The following NFAT5 variants were observed in gnomAD, a reference collection of about 807,000 sequenced individuals.
The protein encoded by NFAT5 is nuclear factor of activated T cells 5.
NFAT5 carries 31 observed loss-of-function variants against 166.5 expected under a neutral mutation model. The observed-to-expected ratio is 0.19, with a 90% CI of 0.14 to 0.25. NFAT5 has a LOEUF of 0.25. Among genes scored for constraint, NFAT5 ranks in the 10% least tolerant of loss-of-function variants. The pLI is 1.00. For missense variants in NFAT5, 1,449 were observed against 1,821.8 expected (o/e 0.80, Z 3.72); for synonymous variants, 612 against 639.7 (o/e 0.96, Z 0.65).
At chr16:69,601,271 A>G (rs2033118529) in intron 2 of NFAT5, among the ~76,000 whole-genome samples, 1 of 152,174 alleles carries the variant, frequency 6.6e-6, no homozygotes, top group Non-Finnish European at 1.5e-5. Flanking sequence ...TTATTTATAC[A>G]TTTCTGCATA....
intron 3 of NFAT5, chr16:69,632,696 C>G (rs187999708): frequency 6.6e-6 from 1 of 152,102 alleles, no homozygotes; most frequent in East Asian, 1.9e-4. Flanking sequence ...GATTGCTTTC[C>G]TGGGTTAACA....
intron 10 of NFAT5, 110 bp downstream of exon 10, chr16:69,677,445 A>G: frequency 3.6e-6 from 3 of 840,030 alleles, no homozygotes; most frequent in Non-Finnish European, 5.3e-6. Context: ...ACTAAGATGA[A>G]TTGATGTTAG....
intron 2 of NFAT5, among the ~76,000 whole-genome samples, chr16:69,589,758 T>G (rs2032343419): frequency 6.6e-6 from 1 of 152,166 alleles, no homozygotes; most frequent in Non-Finnish European, 1.5e-5. Flanking sequence ...AAACAGGAAG[T>G]TATTTTTCTT....
intron 2 of NFAT5, among the ~76,000 whole-genome samples, chr16:69,597,594 CTTTT>C (rs752838733): frequency 2.2e-5 from 3 of 138,330 alleles, no homozygotes; most frequent in Admixed American, 7.3e-5. Flanking sequence ...CTAATGTTTT[CTTTT>C]TTTTTTTTTT....
In NFAT5 at chr16:69,661,638, GCTCATTCAGTCA is replaced by G. The variant is rs1227776575; in HGVS notation, c.1369+1746_1369+1757del. 9.1e-5 allele frequency among the ~76,000 whole-genome samples: 13 copies of G among 142,844 alleles called. No individual in the cohort carries two copies. In the East Asian group the frequency reaches 2.3e-3, roughly 25 times the overall value. The allele number at this position is 142,844 out of a possible 152,430, so 93.7% of individuals were successfully genotyped here. A position where few individuals can be genotyped will look rare whatever the true frequency, so the allele number is the denominator to read the frequency against. ...TTCTGATAACAAAATATGCCTCATT[GCTCATTCAGTCA>G]CTCATTTAGTCAACATAAATTAAAT... On this transcript the variant is annotated intron_variant, in intron 7 of 14. Coordinates refer to ENST00000349945, the MANE Select transcript of NFAT5 (RefSeq NM_138713.4).
intron 4 of NFAT5, among the ~76,000 whole-genome samples, chr16:69,652,263 A>T (rs546983485): frequency 5.9e-4 from 89 of 151,980 alleles, no homozygotes; most frequent in African/African-American, 2.1e-3. Flanking sequence ...ACCAGCCTGG[A>T]CAACATGGTG....
At chr16:69,671,317 A>G (rs1365230977) in intron 9 of NFAT5, among the ~76,000 whole-genome samples, 31 of 151,732 alleles carry the variant, frequency 2.0e-4, no homozygotes, top group Admixed American at 2.0e-3. Flanking sequence ...AATTCACAGA[A>G]CTCTGGGAAG....
At position 69,702,931 on chromosome 16, in the gene NFAT5, C is replaced by T. The variant is rs1360377576; in HGVS notation, c.*6580C>T. On this transcript the variant is annotated 3_prime_UTR_variant, in exon 15 of 15. Coordinates refer to ENST00000349945, the MANE Select transcript of NFAT5 (RefSeq NM_138713.4). Reference sequence around the variant, plus strand: ...TTCAGTTAATTTAGTTTGGCATTTTCCTACCACTTACTAAAAGGTTTACAT... The same window carrying T: ...TTCAGTTAATTTAGTTTGGCATTTTTCTACCACTTACTAAAAGGTTTACAT... 6.6e-6 allele frequency: 1 copy of T among 152,578 alleles called. No homozygotes were observed. The highest frequency in any genetic ancestry group is 1.5e-5 in the Non-Finnish European group (1 of 68,024). The allele number at this position is 152,578 out of a possible 1,614,324, so 9.5% of individuals were successfully genotyped here.
At chr16:69,605,806 C>T (rs1171655481) in intron 2 of NFAT5, among the ~76,000 whole-genome samples, 3 of 152,142 alleles carry the variant, frequency 2.0e-5, no homozygotes, top group African/African-American at 4.8e-5. Context: ...CTCCGCTTCC[C>T]GGGTTCACGC....
At chr16:69,619,427 C>G (rs1288963673) in intron 2 of NFAT5, among the ~76,000 whole-genome samples, 3 of 152,190 alleles carry the variant, frequency 2.0e-5, no homozygotes, top group Non-Finnish European at 2.9e-5. Context: ...CCTCCTGTCT[C>G]CCATCAAAGG....
chr16:69,574,954 G>A (rs1166841654), intron 2 of NFAT5, among the ~76,000 whole-genome samples: 2 of 152,120 alleles, frequency 1.3e-5, no homozygotes, highest in African/African-American at 2.4e-5. Flanking sequence ...TTACAGGCAT[G>A]AGCCACCGTG....
rs199818366 is a variant in NFAT5 at position 69,697,939 on chromosome 16, C to CTTTTTTTT, written c.*1598_*1605dup. The CTTTTTTTT allele has an allele frequency of 7.6e-6, 1 of 131,446 alleles. No homozygotes were observed. The allele number at this position is 131,446 out of a possible 1,614,324, so 8.1% of individuals were successfully genotyped here. On this transcript the variant is annotated 3_prime_UTR_variant, in exon 15 of 15. Transcript: ENST00000349945. ...AATTGTTGAAGGCTACTTTTCTGTT[C>CTTTTTTTT]TTTTTTTTTTTTTTTTTCTATCCTG...
At chr16:69,590,150 G>A (rs1488666240) in intron 2 of NFAT5, among the ~76,000 whole-genome samples, 1 of 152,086 alleles carries the variant, frequency 6.6e-6, no homozygotes, top group East Asian at 1.9e-4. Context: ...CTCCAGCTTG[G>A]GCGACAGAAT....
intron 11 of NFAT5, among the ~76,000 whole-genome samples, chr16:69,688,588 C>T (rs1422127896): frequency 6.6e-6 from 1 of 151,834 alleles, no homozygotes; most frequent in African/African-American, 2.4e-5. Flanking sequence ...GTCAGGCTGG[C>T]GAACTCCTGA....
rs192156074 is a variant in NFAT5 at position 69,655,631 on chromosome 16, T to C, written c.1028T>C (p.Val343Ala). The C allele has an allele frequency of 3.1e-6, 5 of 1,610,698 alleles. No individual in the cohort carries two copies. In the African/African-American group the frequency reaches 4.0e-5, roughly 13 times the overall value. ...CAGCTGGAAGGCCATAATGAACCTG[T>C]AGTGTTGCAAGTGTTTGTGGGCAAC... ...TVKLEGHNEPVVLQVFVGNDS... is the reference protein window; with the variant it reads ...TVKLEGHNEPAVLQVFVGNDS... Residue 343 changes from valine (V) to alanine (A), a missense_variant, in exon 6 of 15, where the codon GTA (valine) becomes GCA (alanine). Transcript: ENST00000349945.
intron 2 of NFAT5, among the ~76,000 whole-genome samples, chr16:69,624,415 C>T (rs2034349531): frequency 6.6e-6 from 1 of 152,046 alleles, no homozygotes; most frequent in Admixed American, 6.5e-5. Flanking sequence ...CCATTTTGGC[C>T]AGGCTGGTCT....
intron 2 of NFAT5, among the ~76,000 whole-genome samples, chr16:69,612,490 T>A (rs1173143873): frequency 1.3e-5 from 2 of 152,146 alleles, no homozygotes; most frequent in African/African-American, 2.4e-5. Flanking sequence ...TTTGATGAGA[T>A]CATGGGCAAG....
chr16:69,695,391 AT>A lies in NFAT5; in HGVS notation c.*8+16del, dbSNP rs1290216068. 6.4e-7 allele frequency: 1 copy of A among 1,570,134 alleles called. No homozygotes were observed. Among genetic ancestry groups the A allele is most frequent in the African/African-American group, 1.4e-5 (1 of 73,910 alleles). On this transcript the variant is annotated intron_variant, in intron 14 of 14. Transcript: ENST00000349945. ...TTTTAACTGGATATGTAAGTATTGCATTTTGGCTTCTTATTGAAAAGCATCA... is the reference window on the plus strand; with the variant it reads ...TTTTAACTGGATATGTAAGTATTGCATTTGGCTTCTTATTGAAAAGCATCA...
At chr16:69,614,481 A>G (rs1330347890) in intron 2 of NFAT5, among the ~76,000 whole-genome samples, 1 of 152,248 alleles carries the variant, frequency 6.6e-6, no homozygotes, top group Non-Finnish European at 1.5e-5. Context: ...ATTCCTAATG[A>G]AATGTATGCC....
Sources: allele counts gnomAD v4.1 joint callset (sites outside exome capture counted in the v4.1 genomes callset), GRCh38; gene constraint gnomAD v4.1.1; transcripts MANE v1.5; gene names NCBI Gene and HGNC (gene_info 2026-07-23, HGNC 2026-07-21).